Variants in MAP3K20 observed in about 807,000 individuals in gnomAD.
MAP3K20 encodes HCCS-4.
In MAP3K20, 40 loss-of-function variants were observed where a neutral mutation model predicts 85.7. The observed-to-expected ratio is 0.47, with a 90% CI of 0.36 to 0.61. The LOEUF (loss-of-function observed/expected upper bound fraction) is 0.61, where lower values mean the gene tolerates loss of function less well. MAP3K20 is among the 20% of genes least tolerant of loss of function. The pLI, the probability that MAP3K20 is intolerant of heterozygous loss-of-function variation, is 0.00. For synonymous variants in MAP3K20, 325 were observed against 327.7 expected, an observed-to-expected ratio of 0.99 and a Z score of 0.09; for missense variants, 817 against 961.7, an observed-to-expected ratio of 0.85 and a Z score of 1.99.
At chr2:173,240,384 C>A (rs1684753783) in intron 16 of MAP3K20, among the ~76,000 whole-genome samples, 1 of 152,166 alleles carries the variant, frequency 6.6e-6, no homozygotes, top group Non-Finnish European at 1.5e-5. Flanking sequence ...GGCCTTTCCT[C>A]AGTGAAACCA....
intron 11 of MAP3K20, chr2:173,224,259 T>C: frequency 1.0e-6 from 1 of 985,334 alleles, no homozygotes; most frequent in Non-Finnish European, 1.2e-6. Context: ...AAGGGGATCT[T>C]TGGGGCTAAC....
At chr2:173,124,381 A>G (rs1224201339) in intron 2 of MAP3K20, among the ~76,000 whole-genome samples, 2 of 152,170 alleles carry the variant, frequency 1.3e-5, no homozygotes, top group African/African-American at 2.4e-5. Context: ...AGTGCATCCA[A>G]GGAAGGAGCA....
intron 14 of MAP3K20, among the ~76,000 whole-genome samples, chr2:173,237,979 C>CAT (rs1301809415): frequency 6.6e-6 from 1 of 152,108 alleles, no homozygotes; most frequent in Non-Finnish European, 1.5e-5. Context: ...ACAAAGACCC[C>CAT]ATCTCTACAA....
At chr2:173,215,142 G>A (rs1684032527) in intron 10 of MAP3K20, among the ~76,000 whole-genome samples, 1 of 152,202 alleles carries the variant, frequency 6.6e-6, no homozygotes, top group Non-Finnish European at 1.5e-5. Context: ...GAAATAGAAT[G>A]TAGTGGCCAT....
chr2:173,153,130 A>G (rs1333707405), intron 2 of MAP3K20, among the ~76,000 whole-genome samples: 1 of 152,224 alleles, frequency 6.6e-6, no homozygotes, highest in Non-Finnish European at 1.5e-5. Context: ...AGTTAGTAAT[A>G]GGATTTGAAT....
At chr2:173,220,750 T>G (rs1684221881) in intron 11 of MAP3K20, among the ~76,000 whole-genome samples, 1 of 152,200 alleles carries the variant, frequency 6.6e-6, no homozygotes, top group Admixed American at 6.5e-5. Context: ...CATTTGAGAT[T>G]TAATCTCTGC....
rs1434026299 is a variant in MAP3K20, at chr2:173,215,376, GT to G, written c.852-1732del. ...AAAAATTTACCCTAAGGTTTTTCAC[GT>G]TTTTTTCCCCTCAGTCCTCCATTGA... On this transcript the variant is annotated intron_variant, in intron 10 of 19. Coordinates refer to ENST00000375213, the MANE Select transcript of MAP3K20 (RefSeq NM_016653.3). Among the ~76,000 whole-genome samples, 17 of 151,942 alleles carry G rather than the reference GT, an allele frequency of 1.1e-4. No homozygotes were observed. In the South Asian group the frequency reaches 2.3e-3, roughly 20 times the overall value.
At chr2:173,207,743 G>A (rs1465108357) in intron 9 of MAP3K20, 4 of 143,168 alleles carry the variant, frequency 2.8e-5, no homozygotes, top group Non-Finnish European at 4.5e-5. Context: ...TTTTGAATAA[G>A]CAAATCCTAT....
chr2:173,230,783 G>C (rs979521680), intron 12 of MAP3K20, among the ~76,000 whole-genome samples: 1 of 152,114 alleles, frequency 6.6e-6, no homozygotes, highest in Non-Finnish European at 1.5e-5. Flanking sequence ...ATCACTTGAG[G>C]TCAGGAGTTC....
intron 1 of MAP3K20, chr2:173,090,659 G>A: frequency 1.0e-6 from 1 of 998,396 alleles, no homozygotes; most frequent in Middle Eastern, 5.1e-4. Flanking sequence ...CGTCTGTCAG[G>A]GCTTCCTGAG....
At chr2:173,187,015 CCTCCCAGTT>C (rs1443635933) in intron 4 of MAP3K20, among the ~76,000 whole-genome samples, 1 of 152,098 alleles carries the variant, frequency 6.6e-6, no homozygotes, top group Non-Finnish European at 1.5e-5. Context: ...ACTAATCAGT[CCTCCCAGTT>C]CTCCCCACCA....
intron 2 of MAP3K20, among the ~76,000 whole-genome samples, chr2:173,141,866 C>G (rs1352375930): frequency 6.6e-6 from 1 of 152,080 alleles, no homozygotes; most frequent in East Asian, 1.9e-4. Context: ...GGAAGCAATA[C>G]CAGTTACTTC....
intron 2 of MAP3K20, among the ~76,000 whole-genome samples, chr2:173,140,758 C>T (rs1372449705): frequency 3.3e-5 from 5 of 152,224 alleles, no homozygotes; most frequent in African/African-American, 9.6e-5. Flanking sequence ...TGAAATTTTC[C>T]TGTATCTTGA....
rs1020810864 is a variant in MAP3K20 at position 173,180,192 on chromosome 2, T to TA, written c.248-2661dup. Among the ~76,000 whole-genome samples, 19 of 152,304 alleles carry TA rather than the reference T, an allele frequency of 1.2e-4. No individual in the cohort carries two copies. The East Asian group carries it at 3.7e-3, about 29-fold the overall frequency. ...TGAGAAAGAACTAACTTTGAGGACT[T>TA]AGACTGCCTCATTTCAAAACTTATA... is the stretch of plus-strand genomic sequence containing the variant. On this transcript the variant is annotated intron_variant, in intron 3 of 19. Coordinates refer to ENST00000375213, the MANE Select transcript of MAP3K20 (RefSeq NM_016653.3).
chr2:173,222,929 A>C (rs1010042981), intron 11 of MAP3K20: 2 of 985,284 alleles, frequency 2.0e-6, no homozygotes, highest in Non-Finnish European at 2.4e-6. Flanking sequence ...GACTTTTTTC[A>C]AACTAAATTA....
chr2:173,093,579 A>C (rs1208022463), intron 2 of MAP3K20, among the ~76,000 whole-genome samples: 1 of 152,204 alleles, frequency 6.6e-6, no homozygotes, highest in African/African-American at 2.4e-5. Flanking sequence ...AAAAACAAAA[A>C]AGAAAGACTG....
At chr2:173,235,024 C>T (rs1684614702) in intron 14 of MAP3K20, among the ~76,000 whole-genome samples, 1 of 152,232 alleles carries the variant, frequency 6.6e-6, no homozygotes, top group African/African-American at 2.4e-5. Context: ...GGGCTGTTCT[C>T]AGGCTCAAGA....
chr2:173,095,235 A>AT (rs1208883767), intron 2 of MAP3K20, among the ~76,000 whole-genome samples: 2 of 151,984 alleles, frequency 1.3e-5, no homozygotes, highest in African/African-American at 4.8e-5. Flanking sequence ...TGTCGCTGTC[A>AT]TTTTTTTATG....
intron 10 of MAP3K20, among the ~76,000 whole-genome samples, chr2:173,216,530 G>A (rs1325096465): frequency 6.6e-6 from 1 of 151,122 alleles, no homozygotes; most frequent in African/African-American, 2.4e-5. Flanking sequence ...TAAAAAACAA[G>A]TTGCCTATGT....
Sources: allele counts gnomAD v4.1 joint callset (sites outside exome capture counted in the v4.1 genomes callset), GRCh38; gene constraint gnomAD v4.1.1; transcripts MANE v1.5; gene names NCBI Gene and HGNC (gene_info 2026-07-23, HGNC 2026-07-21).